TES: variants seen among roughly 807,000 people sequenced by gnomAD.
TES encodes testin LIM domain protein, also known as testin.
In TES, 41 loss-of-function variants were observed where a neutral mutation model predicts 48.2. The observed-to-expected ratio is 0.85, with a 90% CI of 0.66 to 1.10. TES has a LOEUF of 1.10. TES is among the 50% of genes least tolerant of loss of function. The pLI is 0.00. For missense variants in TES, 463 were observed against 515.1 expected, an observed-to-expected ratio of 0.90 and a Z score of 0.98; for synonymous variants, 162 against 174.9, an observed-to-expected ratio of 0.93 and a Z score of 0.58.
chr7:116,255,781 A>G (rs1422746172), intron 6 of TES, among the ~76,000 whole-genome samples: 1 of 152,236 alleles, frequency 6.6e-6, no homozygotes. Flanking sequence ...CAAGGAAATC[A>G]TAAATGTTTA....
chr7:116,238,659 T>C (rs778435600), intron 2 of TES, among the ~76,000 whole-genome samples: 215 of 151,890 alleles, frequency 1.4e-3, no homozygotes, highest in Middle Eastern at 6.9e-3. Flanking sequence ...TGGAGTGCAA[T>C]GGTGCGATCT....
intron 1 of TES, among the ~76,000 whole-genome samples, chr7:116,213,451 C>A (rs1799461262): frequency 6.6e-6 from 1 of 152,212 alleles, no homozygotes; most frequent in Non-Finnish European, 1.5e-5. Context: ...TGAAAAGCAT[C>A]ATTGTTCCAC....
intron 1 of TES, among the ~76,000 whole-genome samples, chr7:116,226,475 CAG>C (rs1799622727): frequency 1.3e-5 from 2 of 152,164 alleles, no homozygotes; most frequent in Admixed American, 6.5e-5. Flanking sequence ...CCGCTTAAAA[CAG>C]AGAGCGGCTG....
intron 2 of TES, among the ~76,000 whole-genome samples, chr7:116,241,256 G>A (rs140961256): frequency 6.2e-4 from 94 of 152,226 alleles, no homozygotes; most frequent in African/African-American, 2.2e-3. Flanking sequence ...TTAAATGTGG[G>A]AGACTCAAAT....
In TES at chr7:116,251,855, T is replaced by A; in HGVS notation, c.798T>A (p.Phe266Leu). ...ATAAACTGTGGCACCCAGCTTGTTT[T>A]GTCTGCAGCACCTGCCATGAACTCC... is the stretch of plus-strand genomic sequence containing the variant. ...GYDKLWHPAC[F>L]VCSTCHELLV... is the part of the protein sequence containing the mutation. The change falls in exon 5 of 7, where the codon TTT becomes TTA. Residue 266 changes from phenylalanine (F) to leucine (L), a missense_variant. Physicochemically the swap from Phe to Leu is conservative, Grantham distance 22. Transcript: ENST00000358204. 6.2e-7 allele frequency: 1 copy of A among 1,614,214 alleles called. No individual in the cohort carries two copies.
intron 4 of TES, among the ~76,000 whole-genome samples, chr7:116,250,830 A>T (rs1434502079): frequency 6.6e-6 from 1 of 152,226 alleles, no homozygotes; most frequent in East Asian, 1.9e-4. Context: ...TTAATTGCTT[A>T]TCTCTGCTGC....
intron 1 of TES, among the ~76,000 whole-genome samples, chr7:116,219,467 G>C (rs896707183): frequency 2.0e-5 from 3 of 152,104 alleles, no homozygotes; most frequent in Non-Finnish European, 4.4e-5. Context: ...GTAGAGTCTA[G>C]CTCATTTAGG....
At chr7:116,252,029 TCCCTTTA>T in intron 5 of TES, 54 bp downstream of exon 5, 2 of 1,551,220 alleles carry the variant, frequency 1.3e-6, no homozygotes, top group Non-Finnish European at 1.8e-6. Flanking sequence ...CCTCATATGG[TCCCTTTA>T]CCTAGAAGGC....
chr7:116,220,259 C>T (rs1452021776), intron 1 of TES, among the ~76,000 whole-genome samples: 4 of 152,166 alleles, frequency 2.6e-5, no homozygotes, highest in African/African-American at 9.7e-5. Context: ...AGTGGCCTAA[C>T]TCCACAGCTC....
intron 1 of TES, among the ~76,000 whole-genome samples, chr7:116,233,603 A>C (rs1799728542): frequency 6.6e-6 from 1 of 152,220 alleles, no homozygotes; most frequent in African/African-American, 2.4e-5. Flanking sequence ...CCTACTTTGT[A>C]AGCATTTTAT....
At chr7:116,221,192 T>G (rs1799553805) in intron 1 of TES, among the ~76,000 whole-genome samples, 1 of 152,152 alleles carries the variant, frequency 6.6e-6, no homozygotes, top group Non-Finnish European at 1.5e-5. Flanking sequence ...TAAAAATTAT[T>G]CTGATTTATA....
chr7:116,225,310 T>G (rs1339456389), intron 1 of TES, among the ~76,000 whole-genome samples: 1 of 152,058 alleles, frequency 6.6e-6, no homozygotes, highest in Non-Finnish European at 1.5e-5. Flanking sequence ...CAGCTACAAC[T>G]TGATTACATC....
Position 116,235,247 on chromosome 7 carries a change from G to C in TES, c.113+628G>C, listed in dbSNP as rs138582746. On this transcript the variant is annotated intron_variant, in intron 2 of 6. Coordinates refer to ENST00000358204, the MANE Select transcript of TES (RefSeq NM_015641.4). Reference sequence around the variant, plus strand: ...ATTACAGGCGTGAGCCACCATGCCTGGCCCTGTTTAATAATTTAATTATTC... The same window carrying C: ...ATTACAGGCGTGAGCCACCATGCCTCGCCCTGTTTAATAATTTAATTATTC... 9.1e-4 allele frequency among the ~76,000 whole-genome samples: 139 copies of C among 152,234 alleles called. 1 individual carries two copies. Among genetic ancestry groups the C allele is most frequent in the Middle Eastern group, 3.4e-3 (1 of 294 alleles).
intron 2 of TES, among the ~76,000 whole-genome samples, chr7:116,236,842 G>T (rs531689119): frequency 6.6e-4 from 100 of 152,186 alleles, no homozygotes; most frequent in South Asian, 1.5e-3. Context: ...AATCAACTGG[G>T]TGTAGTCTGA....
intron 1 of TES, among the ~76,000 whole-genome samples, chr7:116,224,854 A>T (rs1165817114): frequency 8.1e-6 from 1 of 122,760 alleles, no homozygotes; most frequent in African/African-American, 3.3e-5. Flanking sequence ...TTACCTTTTT[A>T]GTTTCAGTTT....
At chr7:116,230,666 T>G (rs2116591015) in intron 1 of TES, among the ~76,000 whole-genome samples, 1 of 152,326 alleles carries the variant, frequency 6.6e-6, no homozygotes, top group Non-Finnish European at 1.5e-5. Context: ...GACATGGCAT[T>G]GAATGCTTCA....
Position 116,252,324 on chromosome 7 carries a change from T to G in TES, c.925T>G (p.Phe309Val). ...ATTTTTATCTTCTTCCTAGCTGATA[T>G]TCAGCAATGAGTATACCCAGGCAGA... Reference protein sequence around the residue: ...PRCAGCDELIFSNEYTQAENQ... With the variant: ...PRCAGCDELIVSNEYTQAENQ... Residue 309 changes from phenylalanine to valine, a missense_variant, in exon 6 of 7, where the codon TTC becomes GTC. Physicochemically the swap from Phe to Val is conservative, Grantham distance 50 (BLOSUM62 -1). Coordinates refer to ENST00000358204, the MANE Select transcript of TES (RefSeq NM_015641.4). 6.2e-7 allele frequency: 1 copy of G among 1,603,324 alleles called. No homozygotes were observed. The highest frequency in any genetic ancestry group is 8.5e-7 in the Non-Finnish European group (1 of 1,171,238).
chr7:116,257,183 G>T, intron 6 of TES, 111 bp from the exon 7 acceptor site: 1 of 1,187,214 alleles, frequency 8.4e-7, no homozygotes, highest in Non-Finnish European at 1.2e-6. Context: ...GTATTTCTGA[G>T]GTTGTCATTA....
chr7:116,211,156 G>A (rs1799433101), intron 1 of TES: 2 of 158,648 alleles, frequency 1.3e-5, no homozygotes, highest in African/African-American at 4.8e-5. Flanking sequence ...TGTGGTTTGG[G>A]GCTCTGCTGT....
Sources: allele counts gnomAD v4.1 joint callset (sites outside exome capture counted in the v4.1 genomes callset), GRCh38; gene constraint gnomAD v4.1.1; transcripts MANE v1.5; gene names NCBI Gene and HGNC (gene_info 2026-07-23, HGNC 2026-07-21).